Variants in L3MBTL4 observed in about 807,000 individuals in gnomAD.
The protein encoded by L3MBTL4 is lethal(3)malignant brain tumor-like protein 4.
A neutral mutation model predicts 84.5 loss-of-function variants in L3MBTL4; 70 were observed. The ratio of observed to expected loss-of-function variants is 0.83; its 90% CI spans 0.68 to 1.01. The LOEUF is 1.01. L3MBTL4 is among the 50% of genes least tolerant of loss of function. L3MBTL4 has a pLI of 0.00. For missense variants in L3MBTL4, 715 were observed against 754.8 expected, an observed-to-expected ratio of 0.95 and a Z score of 0.62; for synonymous variants, 274 against 259.8, an observed-to-expected ratio of 1.05 and a Z score of -0.52.
chr18:6,360,064 A>C (rs1458740246), intron 1 of L3MBTL4, among the ~76,000 whole-genome samples: 2 of 152,220 alleles, frequency 1.3e-5, no homozygotes, highest in African/African-American at 4.8e-5. Flanking sequence ...AGAACTCTAT[A>C]AGGAGAATGT....
At chr18:6,035,244 A>C (rs1242014566) in intron 16 of L3MBTL4, among the ~76,000 whole-genome samples, 1 of 151,912 alleles carries the variant, frequency 6.6e-6, no homozygotes, top group African/African-American at 2.4e-5. Context: ...CCTGAATGGT[A>C]ATGCCTAGGT....
intron 17 of L3MBTL4, among the ~76,000 whole-genome samples, chr18:5,967,489 T>A (rs2052412719): frequency 6.6e-6 from 1 of 152,268 alleles, no homozygotes; most frequent in South Asian, 2.1e-4. Context: ...TGAAATGGCT[T>A]CCCTTCTTTG....
At chr18:6,261,025 A>T (rs1220874980) in intron 5 of L3MBTL4, 1 of 152,238 alleles carries the variant, frequency 6.6e-6, no homozygotes, top group Non-Finnish European at 1.5e-5. Context: ...ATTAGGGCAA[A>T]TCAGACGGAA....
chr18:6,415,083 T>G (rs1232677642), upstream of L3MBTL4: 2 of 152,272 alleles, frequency 1.3e-5, no homozygotes, highest in African/African-American at 4.8e-5. Flanking sequence ...GGGAGGTGGC[T>G]GCGGCGGAAT....
chr18:5,980,308 T>C (rs1870454695), intron 16 of L3MBTL4, among the ~76,000 whole-genome samples: 1 of 152,156 alleles, frequency 6.6e-6, no homozygotes, highest in East Asian at 1.9e-4. Context: ...CCACCCACTC[T>C]GGGAGGGTGA....
chr18:6,245,023 T>A (rs781426102), intron 5 of L3MBTL4, among the ~76,000 whole-genome samples: 4 of 152,032 alleles, frequency 2.6e-5, no homozygotes, highest in Non-Finnish European at 5.9e-5. Context: ...GATTCTCCTG[T>A]CTCAGCCTCC....
At chr18:6,307,011 C>G (rs936406460) in intron 3 of L3MBTL4, among the ~76,000 whole-genome samples, 1 of 152,170 alleles carries the variant, frequency 6.6e-6, no homozygotes, top group Non-Finnish European at 1.5e-5. Flanking sequence ...ATATCACACA[C>G]GTCACCTTCT....
intron 1 of L3MBTL4, among the ~76,000 whole-genome samples, chr18:6,325,567 GTA>G (rs2051673607): frequency 6.6e-6 from 1 of 152,128 alleles, no homozygotes; most frequent in Non-Finnish European, 1.5e-5. Flanking sequence ...TATATAAGTA[GTA>G]TATATAAAGT....
chr18:6,274,882 G>A (rs1212573187), intron 4 of L3MBTL4, among the ~76,000 whole-genome samples: 1 of 152,180 alleles, frequency 6.6e-6, no homozygotes. Flanking sequence ...TGAATGAGAC[G>A]TGAAAAAACT....
intron 1 of L3MBTL4, among the ~76,000 whole-genome samples, chr18:6,379,420 T>A (rs991300886): frequency 6.6e-6 from 1 of 152,206 alleles, no homozygotes; most frequent in Non-Finnish European, 1.5e-5. Flanking sequence ...ATGTTCCAGT[T>A]TTTGCCCATT....
Position 6,345,231 on chromosome 18 carries a change from A to AAG in L3MBTL4, c.-90-33176_-90-33175insCT, listed in dbSNP as rs1555737299. On this transcript the variant is annotated intron_variant, in intron 1 of 18. Transcript: ENST00000317931. Reference sequence around the variant, plus strand: ...ACTAAAATACAAAAAAAAAAAAAAAAAAAAAGAAAAAAAAAAAGAGCCGGG... The same window carrying AAG: ...ACTAAAATACAAAAAAAAAAAAAAAAAGAAAAAGAAAAAAAAAAAGAGCCGGG... Among the ~76,000 whole-genome samples the AAG allele has an allele frequency of 1.8e-3, 247 of 138,832 alleles. 3 individuals are homozygous for AAG. The highest frequency in any genetic ancestry group is 6.8e-3 in the African/African-American group (236 of 34,702). 91.1% of individuals were successfully genotyped at this position (138,832 alleles called of 152,430 possible).
At chr18:6,312,392 A>G (rs905173053) in intron 1 of L3MBTL4, among the ~76,000 whole-genome samples, 33 of 152,296 alleles carry the variant, frequency 2.2e-4, no homozygotes, top group African/African-American at 7.7e-4. Flanking sequence ...CACTCCAAAT[A>G]TGGTAAATGT....
At chr18:6,198,482 G>A (rs1213337397) in intron 12 of L3MBTL4, among the ~76,000 whole-genome samples, 1 of 152,156 alleles carries the variant, frequency 6.6e-6, no homozygotes, top group Non-Finnish European at 1.5e-5. Context: ...ATAGTCCGAT[G>A]CTGGCTGTAT....
At chr18:6,128,479 A>AGAGGG (rs2059773007) in intron 14 of L3MBTL4, among the ~76,000 whole-genome samples, 2 of 152,130 alleles carry the variant, frequency 1.3e-5, no homozygotes, top group South Asian at 4.1e-4. Context: ...CAGTTCTTGC[A>AGAGGG]GAGGGGAGGG....
intron 1 of L3MBTL4, among the ~76,000 whole-genome samples, chr18:6,400,465 A>G (rs2144641140): frequency 6.6e-6 from 1 of 152,320 alleles, no homozygotes; most frequent in South Asian, 2.1e-4. Context: ...GCTACAGTGC[A>G]GTGGTGCGAA....
intron 16 of L3MBTL4, among the ~76,000 whole-genome samples, chr18:6,010,837 C>T (rs1159674283): frequency 6.6e-6 from 1 of 152,114 alleles, no homozygotes; most frequent in Non-Finnish European, 1.5e-5. Context: ...GCCCTCACTA[C>T]GACAGCAAAT....
At chr18:6,032,226 C>T in intron 16 of L3MBTL4, 1 of 598,502 alleles carries the variant, frequency 1.7e-6, no homozygotes, top group Admixed American at 6.3e-5. Flanking sequence ...ATCTGCCTGC[C>T]TCGGCCTCCC....
intron 1 of L3MBTL4, chr18:6,367,582 C>A (rs2144124735): frequency 6.6e-6 from 1 of 152,362 alleles, no homozygotes; most frequent in South Asian, 2.1e-4. Flanking sequence ...GGGGTCAGGG[C>A]AATCCCTGAC....
At chr18:6,115,845 G>A (rs915505839) in intron 14 of L3MBTL4, among the ~76,000 whole-genome samples, 4 of 152,190 alleles carry the variant, frequency 2.6e-5, no homozygotes, top group South Asian at 2.1e-4. Flanking sequence ...AGCAACCTCA[G>A]TATCTGGGCT....
Sources: gnomAD v4.1 joint callset for allele counts (sites outside exome capture counted in the v4.1 genomes callset) on GRCh38, gnomAD v4.1.1 for gene constraint, MANE v1.5 for transcripts, NCBI Gene and HGNC (gene_info 2026-07-23, HGNC 2026-07-21) for gene names.